The following UBE2G1 variants were observed in gnomAD, a reference collection of about 807,000 sequenced individuals.
The protein encoded by UBE2G1 is ubiquitin-conjugating enzyme E2 G1.
Under a neutral mutation model 22.7 loss-of-function variants are expected in UBE2G1, and 5 were observed. The observed-to-expected ratio is 0.22, with a 90% CI of 0.12 to 0.46. The LOEUF is 0.46. Ranked by LOEUF, UBE2G1 falls within the 20% of genes least tolerant of loss-of-function variation. UBE2G1 has a pLI of 0.99. For missense variants in UBE2G1, 88 were observed against 203.9 expected (o/e 0.43, Z 3.46); for synonymous variants, 74 against 67.5 (o/e 1.10, Z -0.47).
At chr17:4,286,387 AGAGT>A (rs909483658) in intron 4 of UBE2G1, among the ~76,000 whole-genome samples, 18 of 148,578 alleles carry the variant, frequency 1.2e-4, no homozygotes, top group Non-Finnish European at 2.2e-4. Context: ...CCTGAGTAAC[AGAGT>A]GAGACTCTGT....
chr17:4,303,077 A>T (rs1010205194), intron 2 of UBE2G1, among the ~76,000 whole-genome samples: 1 of 152,220 alleles, frequency 6.6e-6, no homozygotes, highest in Admixed American at 6.5e-5. Flanking sequence ...CAGAAAAAAA[A>T]AAAATTGTGA....
chr17:4,357,987 C>T (rs1969926780), intron 1 of UBE2G1, among the ~76,000 whole-genome samples: 1 of 151,398 alleles, frequency 6.6e-6, no homozygotes, highest in African/African-American at 2.4e-5. Flanking sequence ...AGAGAGAGAC[C>T]CTGTCTCTTA....
In UBE2G1 at chr17:4,347,469, C is replaced by CTTTTTTTTTTTTTT. The variant is rs34014821; in HGVS notation, c.46+18788_46+18801dup. Among the ~76,000 whole-genome samples the CTTTTTTTTTTTTTT allele has an allele frequency of 8.9e-5, 8 of 89,530 alleles. 1 individual carries two copies. The highest frequency in any genetic ancestry group is 2.4e-4 in the African/African-American group (5 of 20,820). 58.7% of individuals were successfully genotyped at this position (89,530 alleles called of 152,430 possible). A position where few individuals can be genotyped will look rare whatever the true frequency, so the allele number is the denominator to read the frequency against. The stretch of plus-strand genomic sequence containing the variant: ...TTCGGTAATTCTCACAGTATTTCTT[C>CTTTTTTTTTTTTTT]TTTTTTTTTTTTTTTTTTTTTTGGA... On this transcript the variant is annotated intron_variant, in intron 1 of 5. Coordinates refer to ENST00000396981, the MANE Select transcript of UBE2G1 (RefSeq NM_003342.5).
intron 1 of UBE2G1, among the ~76,000 whole-genome samples, chr17:4,329,477 G>A (rs1035185836): frequency 6.6e-6 from 1 of 151,662 alleles, no homozygotes; most frequent in Non-Finnish European, 1.5e-5. Flanking sequence ...AGGATCGCTT[G>A]ATCCCAGGAG....
intron 1 of UBE2G1, among the ~76,000 whole-genome samples, chr17:4,350,159 A>C (rs575370945): frequency 6.6e-6 from 1 of 152,252 alleles, no homozygotes; most frequent in South Asian, 2.1e-4. Flanking sequence ...TGGCTAATGT[A>C]ACTAACTTAG....
chr17:4,357,054 T>C (rs923353450), intron 1 of UBE2G1, among the ~76,000 whole-genome samples: 1 of 152,118 alleles, frequency 6.6e-6, no homozygotes, highest in Non-Finnish European at 1.5e-5. Flanking sequence ...ATATACTTTA[T>C]AGTCCCCCCA....
intron 3 of UBE2G1, among the ~76,000 whole-genome samples, chr17:4,294,415 CAAAAAAAAAAAAAAAA>C (rs68047533): frequency 1.7e-4 from 20 of 117,154 alleles, no homozygotes; most frequent in Admixed American, 1.1e-3. Context: ...GACTCCGTCT[CAAAAAAAAAAAAAAAA>C]AAAAAAAAAG....
At chr17:4,336,865 A>G (rs1467016859) in intron 1 of UBE2G1, among the ~76,000 whole-genome samples, 1 of 152,204 alleles carries the variant, frequency 6.6e-6, no homozygotes, top group Non-Finnish European at 1.5e-5. Flanking sequence ...CATAAACGAC[A>G]AAATGGCTGA....
At chr17:4,284,275 T>G (rs1191078372) in intron 4 of UBE2G1, among the ~76,000 whole-genome samples, 2 of 151,782 alleles carry the variant, frequency 1.3e-5, no homozygotes, top group Non-Finnish European at 2.9e-5. Flanking sequence ...ATATATAAAC[T>G]TTATATAAAT....
intron 1 of UBE2G1, among the ~76,000 whole-genome samples, chr17:4,324,710 G>T (rs1007344646): frequency 6.6e-6 from 1 of 152,064 alleles, no homozygotes; most frequent in East Asian, 1.9e-4. Context: ...GAGCCACCAT[G>T]TCCAGCCAGT....
At chr17:4,352,361 C>T (rs1426990660) in intron 1 of UBE2G1, among the ~76,000 whole-genome samples, 1 of 152,058 alleles carries the variant, frequency 6.6e-6, no homozygotes, top group Non-Finnish European at 1.5e-5. Context: ...TCCCAAAGTG[C>T]TGGGATTACA....
chr17:4,364,396 TCTC>T (rs1297457680), intron 1 of UBE2G1: 1 of 141,580 alleles, frequency 7.1e-6, no homozygotes, highest in African/African-American at 2.6e-5. Flanking sequence ...TTCACGCCAT[TCTC>T]CTGCCTCAGC....
rs35383082 is a variant in UBE2G1 at position 4,349,838 on chromosome 17, G to A, written c.46+16433C>T. Among the ~76,000 whole-genome samples the A allele has an allele frequency of 4.5e-4, 52 of 115,720 alleles. 1 individual carries two copies. Among genetic ancestry groups the A allele is most frequent in the East Asian group, 3.5e-3 (17 of 4,824 alleles). The allele number at this position is 115,720 out of a possible 152,430, so 75.9% of individuals were successfully genotyped here. ...AGTCTCGGCGACAGAGCGAGATTCC[G>A]TCTCAAAAAAAAAAAAAATTACATT... On this transcript the variant is annotated intron_variant, in intron 1 of 5. Coordinates refer to ENST00000396981, the MANE Select transcript of UBE2G1 (RefSeq NM_003342.5).
intron 5 of UBE2G1, among the ~76,000 whole-genome samples, chr17:4,274,433 G>C (rs964984261): frequency 6.6e-6 from 1 of 152,030 alleles, no homozygotes; most frequent in Admixed American, 6.6e-5. Context: ...TTCTGACCTC[G>C]TGATCTGCCT....
rs1005204872 is a variant in UBE2G1, at chr17:4,274,900, A to T, written c.*38-2384T>A. Among the ~76,000 whole-genome samples, 58 of 5,308 alleles carry T rather than the reference A, an allele frequency of 0.011. No homozygotes were observed. In the Admixed American group the frequency reaches 0.12, roughly 11 times the overall value. 3.5% of individuals were successfully genotyped at this position (5,308 alleles called of 152,430 possible). A position where few individuals can be genotyped will look rare whatever the true frequency, so the allele number is the denominator to read the frequency against. ...CCCTTGTCTGTACAATAAATAATAT[A>T]ATTAGCCAGCCACGGTGGCACATGC... On this transcript the variant is annotated intron_variant, in intron 5 of 5. Transcript: ENST00000396981.
chr17:4,366,183 GGCC>G lies in UBE2G1; in HGVS notation c.46+85_46+87del, dbSNP rs1970032807. ...CAGGCCCGGGCCCCTTCGGCAGTAC[GGCC>G]GCTGGCCCGGGAGGAGAAGAGGGAC... is the stretch of plus-strand genomic sequence containing the variant. On this transcript the variant is annotated intron_variant, in intron 1 of 5. Coordinates refer to ENST00000396981, the MANE Select transcript of UBE2G1 (RefSeq NM_003342.5). The G allele has an allele frequency of 2.2e-6, 3 of 1,389,892 alleles. No individual in the cohort carries two copies. The East Asian group carries it at 9.2e-5, about 43-fold the overall frequency. The allele number at this position is 1,389,892 out of a possible 1,614,324, so 86.1% of individuals were successfully genotyped here.
At chr17:4,353,731 C>T (rs529508624) in intron 1 of UBE2G1, among the ~76,000 whole-genome samples, 2 of 151,558 alleles carry the variant, frequency 1.3e-5, no homozygotes, top group Non-Finnish European at 2.9e-5. Context: ...AGGATGGTCT[C>T]GATCTCCTGA....
At chr17:4,305,147 G>A (rs1051431079) in intron 2 of UBE2G1, among the ~76,000 whole-genome samples, 1 of 151,888 alleles carries the variant, frequency 6.6e-6, no homozygotes, top group Non-Finnish European at 1.5e-5. Flanking sequence ...TAGAGACAGG[G>A]TTTCTCCATG....
intron 1 of UBE2G1, chr17:4,331,695 T>G (rs917165236): frequency 6.6e-6 from 1 of 152,208 alleles, no homozygotes; most frequent in Non-Finnish European, 1.5e-5. Flanking sequence ...GGATTGCCCA[T>G]GGCTCTGAAA....
Sources: allele counts gnomAD v4.1 joint callset (sites outside exome capture counted in the v4.1 genomes callset), GRCh38; gene constraint gnomAD v4.1.1; transcripts MANE v1.5; gene names NCBI Gene and HGNC (gene_info 2026-07-23, HGNC 2026-07-21).